The following ADGRB3 variants were observed in gnomAD, a reference collection of about 807,000 sequenced individuals.
The protein encoded by ADGRB3 is brain-specific angiogenesis inhibitor 3.
Under a neutral mutation model 193.4 loss-of-function variants are expected in ADGRB3, and 37 were observed. That is an observed-to-expected ratio of 0.19 (90% CI 0.15 to 0.25). The LOEUF is 0.25. Among genes scored for constraint, ADGRB3 ranks in the 10% least tolerant of loss-of-function variants. ADGRB3 has a pLI of 1.00. For missense variants in ADGRB3, 1,637 were observed against 1,852.9 expected, an observed-to-expected ratio of 0.88 and a Z score of 2.14; for synonymous variants, 690 against 644.2, an observed-to-expected ratio of 1.07 and a Z score of -1.08.
At chr6:68,748,665 A>G (rs2127345916) in intron 3 of ADGRB3, among the ~76,000 whole-genome samples, 1 of 152,200 alleles carries the variant, frequency 6.6e-6, no homozygotes. Context: ...GCAAGGAGTC[A>G]GTGGATCTAC....
chr6:69,112,157 G>A (rs1316844532), intron 17 of ADGRB3, among the ~76,000 whole-genome samples: 7 of 152,088 alleles, frequency 4.6e-5, no homozygotes, highest in East Asian at 3.9e-4. Flanking sequence ...AGGAGGTAGC[G>A]CTGGTCCTTG....
chr6:68,792,010 C>G (rs1767116985), intron 3 of ADGRB3, among the ~76,000 whole-genome samples: 1 of 151,994 alleles, frequency 6.6e-6, no homozygotes, highest in South Asian at 2.1e-4. Context: ...GTAGTTTATC[C>G]AGAGAAAAAA....
chr6:68,992,768 T>C (rs1769272238), intron 10 of ADGRB3, among the ~76,000 whole-genome samples: 13 of 152,188 alleles, frequency 8.5e-5, no homozygotes, highest in Admixed American at 8.5e-4. Flanking sequence ...AAATTTATAC[T>C]TTTTTGATTA....
intron 3 of ADGRB3, among the ~76,000 whole-genome samples, chr6:68,777,684 A>C (rs1766775021): frequency 6.6e-6 from 1 of 151,576 alleles, no homozygotes; most frequent in Non-Finnish European, 1.5e-5. Flanking sequence ...AAAAAAAAAA[A>C]AAAACGACTA....
At chr6:69,209,531 A>G (rs1391400712) in intron 17 of ADGRB3, among the ~76,000 whole-genome samples, 1 of 152,226 alleles carries the variant, frequency 6.6e-6, no homozygotes, top group African/African-American at 2.4e-5. Context: ...AATCAACATA[A>G]TGTCATCAAT....
At chr6:68,742,982 T>C (rs1246734243) in intron 3 of ADGRB3, among the ~76,000 whole-genome samples, 1 of 152,068 alleles carries the variant, frequency 6.6e-6, no homozygotes, top group African/African-American at 2.4e-5. Context: ...CTATAGTACT[T>C]GTGTTTATTC....
rs1774293806 is a variant in ADGRB3 at position 69,140,315 on chromosome 6, A to G, written c.2480+64277A>G. 2.0e-5 allele frequency among the ~76,000 whole-genome samples: 3 copies of G among 152,224 alleles called. No individual in the cohort carries two copies. In the South Asian group the frequency reaches 6.2e-4, roughly 32 times the overall value. On this transcript the variant is annotated intron_variant, in intron 17 of 31. Coordinates refer to ENST00000370598, the MANE Select transcript of ADGRB3 (RefSeq NM_001704.3). ...AAGAACAAACAAAGAAAAAAATTGCAATCTTATATGATATACAATGACATG... is the reference window on the plus strand; with the variant it reads ...AAGAACAAACAAAGAAAAAAATTGCGATCTTATATGATATACAATGACATG...
At chr6:68,715,948 C>T (rs187513758) in intron 3 of ADGRB3, among the ~76,000 whole-genome samples, 8 of 151,624 alleles carry the variant, frequency 5.3e-5, no homozygotes, top group Admixed American at 2.0e-4. Context: ...CATCTGGTGG[C>T]GGGGGAATGC....
At chr6:68,974,937 A>G (rs111858867) in intron 9 of ADGRB3, 73 bp downstream of exon 9, 3 of 1,330,164 alleles carry the variant, frequency 2.3e-6, no homozygotes, top group Admixed American at 1.9e-5. Context: ...TTGGTTTATG[A>G]AGTCATGTTT....
intron 17 of ADGRB3, among the ~76,000 whole-genome samples, chr6:69,127,178 T>G (rs1166444759): frequency 6.6e-6 from 1 of 152,234 alleles, no homozygotes; most frequent in Non-Finnish European, 1.5e-5. Context: ...GTTTCCTGAC[T>G]AAAATTTTCC....
chr6:69,247,253 G>A lies in ADGRB3; in HGVS notation c.2814+8027G>A, dbSNP rs143318404. Among the ~76,000 whole-genome samples, 4 of 152,296 alleles carry A rather than the reference G, an allele frequency of 2.6e-5. No individual in the cohort carries two copies. The East Asian group carries it at 7.7e-4, about 29-fold the overall frequency. Reference sequence around the variant, plus strand: ...TAATTCCATGTTCTGCATATCACCTGCATTCAGGGCTGCCTGAAGTACCTA... The same window carrying A: ...TAATTCCATGTTCTGCATATCACCTACATTCAGGGCTGCCTGAAGTACCTA... On this transcript the variant is annotated intron_variant, in intron 20 of 31. Coordinates refer to ENST00000370598, the MANE Select transcript of ADGRB3 (RefSeq NM_001704.3).
chr6:68,994,161 A>G (rs1769319984), intron 11 of ADGRB3, among the ~76,000 whole-genome samples, 199 bp downstream of exon 11: 1 of 152,126 alleles, frequency 6.6e-6, no homozygotes, highest in Non-Finnish European at 1.5e-5. Context: ...TAAAATGCAT[A>G]TATTACACCT....
intron 17 of ADGRB3, among the ~76,000 whole-genome samples, chr6:69,187,497 G>A (rs187116185): frequency 5.6e-4 from 86 of 152,250 alleles, no homozygotes; most frequent in African/African-American, 1.5e-3. Flanking sequence ...CATCTTCAAA[G>A]TGAAATTATG....
chr6:68,767,693 C>A (rs376202035), intron 3 of ADGRB3, among the ~76,000 whole-genome samples: 6 of 152,204 alleles, frequency 3.9e-5, no homozygotes, highest in Admixed American at 3.9e-4. Flanking sequence ...CCGACCAGGG[C>A]AATCAGGCAA....
chr6:69,091,340 G>A (rs1170004345), intron 17 of ADGRB3, among the ~76,000 whole-genome samples: 1 of 152,144 alleles, frequency 6.6e-6, no homozygotes, highest in East Asian at 1.9e-4. Context: ...ACATGCATGA[G>A]TTTGTTCATT....
rs1478617101 is a variant in ADGRB3 at position 69,110,623 on chromosome 6, A to G, written c.2480+34585A>G. Among the ~76,000 whole-genome samples the G allele has an allele frequency of 2.6e-5, 4 of 152,336 alleles. No individual in the cohort carries two copies. In the East Asian group the frequency reaches 7.7e-4, roughly 29 times the overall value. ...CCTTATCTTTTTCCTTTTTCTGATT[A>G]AAGTACTAGAAGATAAGAAGTTATT... On this transcript the variant is annotated intron_variant, in intron 17 of 31. Transcript: ENST00000370598.
intron 3 of ADGRB3, among the ~76,000 whole-genome samples, chr6:68,808,846 G>A (rs191663513): frequency 3.5e-4 from 54 of 152,120 alleles, no homozygotes; most frequent in Admixed American, 9.2e-4. Flanking sequence ...TATCTACCAT[G>A]GTCAGAAGAC....
At chr6:69,254,953 T>C (rs1010446227) in intron 20 of ADGRB3, among the ~76,000 whole-genome samples, 5 of 148,960 alleles carry the variant, frequency 3.4e-5, no homozygotes, top group African/African-American at 7.4e-5. Context: ...TGAGAACATG[T>C]GGTGTTTGGT....
chr6:69,323,028 T>C (rs1768495078), intron 20 of ADGRB3, among the ~76,000 whole-genome samples: 1 of 151,966 alleles, frequency 6.6e-6, no homozygotes, highest in African/African-American at 2.4e-5. Flanking sequence ...ACCAGGGAGA[T>C]GTGAAGTAAT....
Sources: allele counts gnomAD v4.1 joint callset (sites outside exome capture counted in the v4.1 genomes callset), GRCh38; gene constraint gnomAD v4.1.1; transcripts MANE v1.5; gene names NCBI Gene and HGNC (gene_info 2026-07-23, HGNC 2026-07-21).